EPB41L3: variants seen among roughly 807,000 people sequenced by gnomAD.
EPB41L3 encodes the protein band 4.1-like protein 3.
In EPB41L3, 57 loss-of-function variants were observed where a neutral mutation model predicts 127.1. That is an observed-to-expected ratio of 0.45 (90% CI 0.36 to 0.56). The LOEUF (loss-of-function observed/expected upper bound fraction) is 0.56. EPB41L3 is among the 20% of genes least tolerant of loss of function. The pLI, the probability that EPB41L3 is intolerant of heterozygous loss-of-function variation, is 0.00. For synonymous variants in EPB41L3, 572 were observed against 549.5 expected, an observed-to-expected ratio of 1.04 and a Z score of -0.57; for missense variants, 1,273 against 1,372.2, an observed-to-expected ratio of 0.93 and a Z score of 1.14.
intron 3 of EPB41L3, among the ~76,000 whole-genome samples, chr18:5,574,498 T>G (rs543860614): frequency 6.6e-6 from 1 of 152,086 alleles, no homozygotes; most frequent in South Asian, 2.1e-4. Flanking sequence ...AGTGTAATCT[T>G]CCTAATTTGA....
chr18:5,508,546 T>C (rs2092344239), intron 1 of EPB41L3, among the ~76,000 whole-genome samples: 1 of 151,962 alleles, frequency 6.6e-6, no homozygotes, highest in Non-Finnish European at 1.5e-5. Context: ...GGTGGGTGGA[T>C]CACAAGGTCA....
At chr18:5,509,678 A>G (rs1386758018) in intron 1 of EPB41L3, among the ~76,000 whole-genome samples, 1 of 152,168 alleles carries the variant, frequency 6.6e-6, no homozygotes, top group South Asian at 2.1e-4. Flanking sequence ...CCAATAGGGT[A>G]TATGTTGTTT....
chr18:5,527,415 A>C (rs2093264282), intron 1 of EPB41L3, among the ~76,000 whole-genome samples: 1 of 151,800 alleles, frequency 6.6e-6, no homozygotes, highest in Non-Finnish European at 1.5e-5. Context: ...CTGAGCTGCA[A>C]TTTTCCCTCA....
chr18:5,608,203 G>A (rs1028005057), intron 3 of EPB41L3, among the ~76,000 whole-genome samples: 20 of 152,180 alleles, frequency 1.3e-4, no homozygotes, highest in Non-Finnish European at 8.8e-5. Context: ...AGGTGGTGAT[G>A]ATGCTGCGAC....
intron 3 of EPB41L3, among the ~76,000 whole-genome samples, chr18:5,609,970 G>A (rs1408765321): frequency 6.6e-6 from 1 of 152,194 alleles, no homozygotes; most frequent in Non-Finnish European, 1.5e-5. Flanking sequence ...GGACACCTCA[G>A]GAGCTTTCCC....
chr18:5,506,014 A>G (rs2092168481), intron 1 of EPB41L3, among the ~76,000 whole-genome samples: 1 of 145,648 alleles, frequency 6.9e-6, no homozygotes, highest in African/African-American at 2.6e-5. Flanking sequence ...CCGTAACTTC[A>G]CCTCCACCCC....
chr18:5,504,706 T>C (rs1375380792), intron 1 of EPB41L3, among the ~76,000 whole-genome samples: 1 of 152,174 alleles, frequency 6.6e-6, no homozygotes, highest in African/African-American at 2.4e-5. Flanking sequence ...ACAAGCTATT[T>C]CTTTCTAAGA....
chr18:5,533,099 G>C (rs965619952), intron 1 of EPB41L3, among the ~76,000 whole-genome samples: 2 of 152,106 alleles, frequency 1.3e-5, no homozygotes, highest in African/African-American at 4.8e-5. Flanking sequence ...CCCTCTCAGA[G>C]GTAACTCCAA....
chr18:5,457,054 T>C (rs1336887234), intron 3 of EPB41L3, among the ~76,000 whole-genome samples: 2 of 152,212 alleles, frequency 1.3e-5, no homozygotes, highest in Non-Finnish European at 2.9e-5. Context: ...GTGGTTACAA[T>C]CTGTAAAACA....
At chr18:5,573,364 T>A (rs1170680668) in intron 3 of EPB41L3, among the ~76,000 whole-genome samples, 1 of 152,204 alleles carries the variant, frequency 6.6e-6, no homozygotes, top group African/African-American at 2.4e-5. Context: ...TTTAAAAAAT[T>A]GCCTTGGCTA....
rs2076823048 is a variant in EPB41L3, at chr18:5,416,354, A to G, written c.1531T>C (p.Cys511Arg). 1.2e-6 allele frequency: 2 copies of G among 1,613,652 alleles called. No homozygotes were observed. The highest frequency in any genetic ancestry group is 1.1e-5 in the South Asian group (1 of 91,058). Residue 511 changes from cysteine to arginine, a missense_variant, in exon 13 of 23, where the codon TGT becomes CGT. This residue lies in a region of EPB41L3 where 765 missense variants were observed against 782.9 expected (regional missense o/e 0.98). Coordinates refer to ENST00000341928, the MANE Select transcript of EPB41L3 (RefSeq NM_012307.5). ...TGGGTGGATGGGGGTGACAAGGGAC[A>G]TGAGTCAGTGCCAAGCCCAGGTGAC... is the stretch of plus-strand genomic sequence containing the variant. The part of the protein sequence containing the change: ...GKSPGLGTDS[C>R]PLSPPSTHCA...
chr18:5,439,491 C>T (rs1348251739), intron 5 of EPB41L3, among the ~76,000 whole-genome samples: 1 of 152,202 alleles, frequency 6.6e-6, no homozygotes, highest in Non-Finnish European at 1.5e-5. Flanking sequence ...TGGCATAGAT[C>T]CATCCATGTA....
chr18:5,400,332 G>A (rs2143098763), intron 16 of EPB41L3: 1 of 337,272 alleles, frequency 3.0e-6, no homozygotes, highest in South Asian at 2.4e-5. Context: ...CCAGGAGCAG[G>A]TGAGTGCCCT....
intron 1 of EPB41L3, among the ~76,000 whole-genome samples, chr18:5,498,580 G>A (rs1032815689): frequency 4.1e-5 from 4 of 97,096 alleles, no homozygotes; most frequent in African/African-American, 1.2e-4. Flanking sequence ...GGTAACAAGA[G>A]CGAGACTCCA....
chr18:5,512,600 G>A (rs1210147418), intron 1 of EPB41L3, among the ~76,000 whole-genome samples: 1 of 152,172 alleles, frequency 6.6e-6, no homozygotes, highest in East Asian at 1.9e-4. Flanking sequence ...AATGGATTAG[G>A]GAACAGACCT....
At chr18:5,525,620 A>G (rs1225794223) in intron 1 of EPB41L3, among the ~76,000 whole-genome samples, 2 of 152,214 alleles carry the variant, frequency 1.3e-5, no homozygotes, top group East Asian at 3.9e-4. Context: ...ATCTGATCTA[A>G]AACTTCCACA....
chr18:5,534,258 G>C (rs2093503084), intron 1 of EPB41L3, among the ~76,000 whole-genome samples: 5 of 152,194 alleles, frequency 3.3e-5, no homozygotes, highest in Admixed American at 3.3e-4. Context: ...TTCAACCTTA[G>C]TACTATTTAT....
At chr18:5,622,759 C>G (rs968436413) in intron 1 of EPB41L3, among the ~76,000 whole-genome samples, 3 of 152,154 alleles carry the variant, frequency 2.0e-5, no homozygotes, top group Non-Finnish European at 4.4e-5. Context: ...CCACAGACTC[C>G]TGGTCTCCTT....
chr18:5,530,437 T>C (rs2093373595), intron 1 of EPB41L3, among the ~76,000 whole-genome samples: 3 of 152,074 alleles, frequency 2.0e-5, no homozygotes, highest in Non-Finnish European at 2.9e-5. Flanking sequence ...TAAAAGTACA[T>C]CTGACCACGT....
Sources: gnomAD v4.1 joint callset for allele counts (sites outside exome capture counted in the v4.1 genomes callset) on GRCh38, gnomAD v4.1.1 for gene constraint, gnomAD v4.1.1 regional missense constraint, MANE v1.5 for transcripts, NCBI Gene and HGNC (gene_info 2026-07-23, HGNC 2026-07-21) for gene names.